EXOC4: variants seen among roughly 807,000 people sequenced by gnomAD.
EXOC4 encodes the protein SEC8-like 1.
A neutral mutation model predicts 107.2 loss-of-function variants in EXOC4; 71 were observed. The ratio of observed to expected loss-of-function variants is 0.66; its 90% confidence interval spans 0.55 to 0.81. EXOC4 has a LOEUF of 0.81. Ranked by LOEUF, EXOC4 falls within the 30% of genes least tolerant of loss-of-function variation. The pLI is 0.00. For missense variants in EXOC4, 1,108 were observed against 1,189.6 expected, an observed-to-expected ratio of 0.93 and a Z score of 1.01; for synonymous variants, 456 against 441.2, an observed-to-expected ratio of 1.03 and a Z score of -0.42.
chr7:133,625,897 GAAC>G (rs940596013), intron 9 of EXOC4, among the ~76,000 whole-genome samples: 1 of 152,056 alleles, frequency 6.6e-6, no homozygotes, highest in African/African-American at 2.4e-5. Context: ...AACCAGGATT[GAAC>G]AACATGTTCC....
intron 13 of EXOC4, among the ~76,000 whole-genome samples, chr7:133,935,062 A>G (rs189588230): frequency 3.9e-5 from 6 of 151,928 alleles, no homozygotes; most frequent in Admixed American, 3.3e-4. Flanking sequence ...TATGACATGA[A>G]GCTCAAAAGC....
intron 17 of EXOC4, among the ~76,000 whole-genome samples, chr7:134,043,193 C>T (rs1225488722): frequency 6.6e-6 from 1 of 151,992 alleles, no homozygotes; most frequent in African/African-American, 2.4e-5. Flanking sequence ...GTGGCATGAT[C>T]GTAATCACTA....
chr7:133,467,239 T>TTC (rs1798752206), intron 7 of EXOC4, among the ~76,000 whole-genome samples: 2 of 151,656 alleles, frequency 1.3e-5, no homozygotes, highest in Admixed American at 6.6e-5. Context: ...TTTTTTTTTT[T>TTC]GCAGAATGAC....
At chr7:133,512,317 C>G (rs1351798904) in intron 9 of EXOC4, among the ~76,000 whole-genome samples, 2 of 152,018 alleles carry the variant, frequency 1.3e-5, no homozygotes, top group East Asian at 3.9e-4. Flanking sequence ...ATAATCCCAG[C>G]TGCTCGGGAA....
intron 4 of EXOC4, 73 bp from the exon 5 acceptor site, chr7:133,317,211 G>T: frequency 2.0e-6 from 2 of 987,770 alleles, no homozygotes; most frequent in Non-Finnish European, 3.2e-6. Flanking sequence ...AAAGTGGTAA[G>T]GGTGGGGCTG....
Position 133,895,735 on chromosome 7 carries a change from G to A in EXOC4, c.1871G>A (p.Arg624Lys). ...EYKDTCTAAYRGIVQSEEKLV... is the reference protein window; with the variant it reads ...EYKDTCTAAYKGIVQSEEKLV... ...AAGGACACCTGCACTGCAGCTTACA[G>A]GTAGAGCTTCTGTTAGGGGCTAAGC... The change falls in exon 12 of 18, where the codon AGG becomes AAG. Residue 624 changes from arginine (R) to lysine (K), a missense_variant and splice_region_variant. Coordinates refer to ENST00000253861, the MANE Select transcript of EXOC4 (RefSeq NM_021807.4). 6.2e-7 allele frequency: 1 copy of A among 1,613,408 alleles called. No homozygotes were observed. Among genetic ancestry groups the A allele is most frequent in the Non-Finnish European group, 8.5e-7 (1 of 1,179,684 alleles).
chr7:133,708,141 G>C (rs1026970553), intron 10 of EXOC4, among the ~76,000 whole-genome samples: 1 of 152,176 alleles, frequency 6.6e-6, no homozygotes, highest in Non-Finnish European at 1.5e-5. Context: ...TGAAGCAGAA[G>C]TATATGACTC....
intron 7 of EXOC4, chr7:133,396,399 C>G (rs1796972454): frequency 6.6e-6 from 1 of 152,164 alleles, no homozygotes; most frequent in Admixed American, 6.5e-5. Context: ...TGACACTGTT[C>G]ATGCTCATTT....
At chr7:133,450,200 T>A (rs563636074) in intron 7 of EXOC4, among the ~76,000 whole-genome samples, 1 of 152,202 alleles carries the variant, frequency 6.6e-6, no homozygotes, top group East Asian at 1.9e-4. Context: ...TGAGACAGAG[T>A]CTTGCCCTGT....
At chr7:133,685,412 A>G (rs1794275978) in intron 10 of EXOC4, among the ~76,000 whole-genome samples, 1 of 152,108 alleles carries the variant, frequency 6.6e-6, no homozygotes, top group Non-Finnish European at 1.5e-5. Context: ...ACCTTCTGCC[A>G]TGATTGTAAG....
chr7:133,551,845 A>G (rs923602608), intron 9 of EXOC4: 12 of 151,660 alleles, frequency 7.9e-5, no homozygotes, highest in Non-Finnish European at 1.8e-4. Context: ...GATTACCAAG[A>G]AAAAAAAAGA....
At chr7:133,680,370 A>T (rs1396067111) in intron 10 of EXOC4, among the ~76,000 whole-genome samples, 4 of 152,236 alleles carry the variant, frequency 2.6e-5, no homozygotes, top group Non-Finnish European at 5.9e-5. Flanking sequence ...AATAAAGAAT[A>T]TAACACATTC....
intron 10 of EXOC4, among the ~76,000 whole-genome samples, chr7:133,667,402 G>A (rs1199106871): frequency 6.6e-6 from 1 of 152,204 alleles, no homozygotes; most frequent in Non-Finnish European, 1.5e-5. Context: ...ATAGATGGCT[G>A]TTTTATTTTA....
intron 10 of EXOC4, among the ~76,000 whole-genome samples, chr7:133,787,563 A>G (rs1222591086): frequency 1.3e-5 from 2 of 151,882 alleles, no homozygotes; most frequent in Non-Finnish European, 2.9e-5. Flanking sequence ...TGGGTGGCTT[A>G]AACAACAGAC....
At chr7:133,671,722 A>G (rs572757661) in intron 10 of EXOC4, among the ~76,000 whole-genome samples, 1 of 152,290 alleles carries the variant, frequency 6.6e-6, no homozygotes, top group African/African-American at 2.4e-5. Flanking sequence ...CACATTCTGG[A>G]TGAAGTGTGA....
chr7:133,848,704 T>G (rs535874215), intron 11 of EXOC4, among the ~76,000 whole-genome samples: 2 of 152,312 alleles, frequency 1.3e-5, no homozygotes, highest in East Asian at 3.9e-4. Context: ...TCATCCCTTC[T>G]CTGGGATCTA....
intron 9 of EXOC4, among the ~76,000 whole-genome samples, chr7:133,498,792 G>T (rs1364300923): frequency 6.6e-6 from 1 of 152,098 alleles, no homozygotes; most frequent in Non-Finnish European, 1.5e-5. Context: ...ATAAAGTTCT[G>T]CATGATTTAG....
chr7:133,406,137 T>C (rs1325879651), intron 7 of EXOC4, among the ~76,000 whole-genome samples: 1 of 152,214 alleles, frequency 6.6e-6, no homozygotes, highest in Non-Finnish European at 1.5e-5. Flanking sequence ...TGCCTTTAAT[T>C]CCACGTAACA....
At chr7:133,662,030 CA>C (rs1164683284) in intron 10 of EXOC4, among the ~76,000 whole-genome samples, 1 of 152,082 alleles carries the variant, frequency 6.6e-6, no homozygotes, top group Non-Finnish European at 1.5e-5. Flanking sequence ...TAAATCTTCA[CA>C]AAAACTCCAC....
Sources: gnomAD v4.1 joint callset for allele counts (sites outside exome capture counted in the v4.1 genomes callset) on GRCh38, gnomAD v4.1.1 for gene constraint, MANE v1.5 for transcripts, NCBI Gene and HGNC (gene_info 2026-07-23, HGNC 2026-07-21) for gene names.